Variants in FAM135B observed in about 807,000 individuals in gnomAD.
The protein encoded by FAM135B is protein FAM135B.
FAM135B carries 43 observed loss-of-function variants against 127.7 expected under a neutral mutation model. The ratio of observed to expected loss-of-function variants is 0.34; its 90% confidence interval spans 0.26 to 0.43. The LOEUF (loss-of-function observed/expected upper bound fraction) is 0.43, where lower values mean the gene tolerates loss of function less well. FAM135B is among the 20% of genes least tolerant of loss of function. FAM135B has a pLI of 1.00. For synonymous variants in FAM135B, 670 were observed against 665.1 expected (o/e 1.01, Z -0.11); for missense variants, 1,558 against 1,725.6 (o/e 0.90, Z 1.72).
At chr8:138,318,887 T>C (rs1190079375) in intron 2 of FAM135B, among the ~76,000 whole-genome samples, 1 of 152,202 alleles carries the variant, frequency 6.6e-6, no homozygotes, top group Non-Finnish European at 1.5e-5. Context: ...CTTTAGTAAT[T>C]TCCTTTTATC....
chr8:138,488,964 G>T (rs577311557), intron 1 of FAM135B, among the ~76,000 whole-genome samples: 13 of 152,118 alleles, frequency 8.5e-5, no homozygotes, highest in African/African-American at 3.1e-4. Flanking sequence ...CACGCCCGGC[G>T]TTTGTTTGAT....
rs192124840 is a variant in FAM135B at position 138,309,819 on chromosome 8, A to G, written c.157+1022T>C. Among the ~76,000 whole-genome samples, 4 of 149,416 alleles carry G rather than the reference A, an allele frequency of 2.7e-5. No individual in the cohort carries two copies. In the Admixed American group the frequency reaches 2.7e-4, roughly 10 times the overall value. On this transcript the variant is annotated intron_variant, in intron 3 of 19. Transcript: ENST00000395297. ...TGCACAGCTCTGTCTGTTTACTTTA[A>G]TGCTCCCTACCCTCTACCCTACTCT...
At chr8:138,214,727 G>A (rs1190280582) in intron 7 of FAM135B, among the ~76,000 whole-genome samples, 1 of 152,010 alleles carries the variant, frequency 6.6e-6, no homozygotes, top group Admixed American at 6.6e-5. Context: ...AAATTGATAC[G>A]ATTCTAGCAG....
chr8:138,217,294 A>G (rs1258169108), intron 7 of FAM135B, among the ~76,000 whole-genome samples: 2 of 152,232 alleles, frequency 1.3e-5, no homozygotes, highest in Non-Finnish European at 2.9e-5. Context: ...ACAAAATGGT[A>G]TAACTGAAAA....
intron 12 of FAM135B, among the ~76,000 whole-genome samples, chr8:138,159,270 C>T (rs1338045926): frequency 2.6e-4 from 6 of 23,008 alleles, no homozygotes; most frequent in Admixed American, 4.8e-4. Context: ...CAGAGCGAGA[C>T]TCCGTCTCAA....
chr8:138,456,095 T>G (rs1183872052), intron 1 of FAM135B, among the ~76,000 whole-genome samples: 2 of 152,136 alleles, frequency 1.3e-5, no homozygotes, highest in East Asian at 3.8e-4. Flanking sequence ...AAAGACTGAG[T>G]GAACAAGTCA....
chr8:138,475,996 A>G (rs1039272578), intron 1 of FAM135B, among the ~76,000 whole-genome samples: 10 of 152,316 alleles, frequency 6.6e-5, no homozygotes, highest in African/African-American at 1.9e-4. Context: ...TAAATAAACT[A>G]TGGTACGTCT....
intron 8 of FAM135B, among the ~76,000 whole-genome samples, chr8:138,196,754 C>T (rs1816663313): frequency 6.6e-6 from 1 of 152,170 alleles, no homozygotes; most frequent in African/African-American, 2.4e-5. Flanking sequence ...TATTAGAGAA[C>T]TTTGAGCAGA....
At chr8:138,281,128 A>G (rs887604202) in intron 3 of FAM135B, among the ~76,000 whole-genome samples, 1 of 152,178 alleles carries the variant, frequency 6.6e-6, no homozygotes, top group Non-Finnish European at 1.5e-5. Context: ...GCTGTAAAAT[A>G]GGCAGATTGC....
chr8:138,386,847 T>A (rs1832248400), intron 1 of FAM135B, among the ~76,000 whole-genome samples: 1 of 151,958 alleles, frequency 6.6e-6, no homozygotes, highest in Non-Finnish European at 1.5e-5. Context: ...CCAAACTGGG[T>A]GTTAGGGAGA....
At position 138,265,690 on chromosome 8, in the gene FAM135B, A is replaced by G. The variant is rs751890961; in HGVS notation, c.297+13T>C. 6.2e-7 allele frequency: 1 copy of G among 1,613,948 alleles called. No individual in the cohort carries two copies. Among genetic ancestry groups the G allele is most frequent in the Non-Finnish European group, 8.5e-7 (1 of 1,179,902 alleles). ...AACAGCTACTTGTGGCTGGTGGTAG[A>G]TTCATGACTTACCCTTTCACCACCC... is the stretch of plus-strand genomic sequence containing the variant. On this transcript the variant is annotated intron_variant, in intron 4 of 19. Transcript: ENST00000395297.
intron 1 of FAM135B, among the ~76,000 whole-genome samples, chr8:138,408,751 T>A (rs1174663995): frequency 6.6e-6 from 1 of 151,942 alleles, no homozygotes; most frequent in East Asian, 1.9e-4. Flanking sequence ...TCGGATCTCA[T>A]AAGGACTCCC....
intron 2 of FAM135B, among the ~76,000 whole-genome samples, chr8:138,354,747 T>C (rs1031529806): frequency 6.6e-6 from 1 of 152,068 alleles, no homozygotes; most frequent in African/African-American, 2.4e-5. Flanking sequence ...CGAAGGAAAA[T>C]GACCCTGAGG....
At position 138,286,639 on chromosome 8, in the gene FAM135B, AG is replaced by A. The variant is rs1315728639; in HGVS notation, c.158-20798del. Among the ~76,000 whole-genome samples, 3 of 152,240 alleles carry A rather than the reference AG, an allele frequency of 2.0e-5. No homozygotes were observed. In the East Asian group the frequency reaches 5.8e-4, roughly 29 times the overall value. On this transcript the variant is annotated intron_variant, in intron 3 of 19. Transcript: ENST00000395297. Reference sequence around the variant, plus strand: ...ATTTAGAATTTGTTGAGGCAAAGGAAGCATTGCTCATGGACTAGAGGTGAGA... The same window carrying A: ...ATTTAGAATTTGTTGAGGCAAAGGAACATTGCTCATGGACTAGAGGTGAGA...
At chr8:138,409,761 G>C (rs1215885068) in intron 1 of FAM135B, among the ~76,000 whole-genome samples, 1 of 151,552 alleles carries the variant, frequency 6.6e-6, no homozygotes, top group African/African-American at 2.4e-5. Flanking sequence ...TGTAGTCCCA[G>C]CTACTTGGGA....
chr8:138,152,812 C>G lies in FAM135B; in HGVS notation c.1663G>C (p.Asp555His), dbSNP rs753851478. Residue 555 changes from aspartate to histidine, a missense_variant, in exon 13 of 20, where the codon GAC becomes CAC. Transcript: ENST00000395297. The part of the protein sequence containing the change: ...DGQAPVLTYI[D>H]VKSSNKNPSR... Reference sequence around the variant, plus strand: ...GGGTTCTTATTGCTAGATTTTACGTCAATGTAGGTCAGCACTGGGGCCTGT... The same window carrying G: ...GGGTTCTTATTGCTAGATTTTACGTGAATGTAGGTCAGCACTGGGGCCTGT... 3.1e-6 allele frequency: 5 copies of G among 1,614,170 alleles called. No individual in the cohort carries two copies. The South Asian group carries it at 5.5e-5, about 18-fold the overall frequency.
At chr8:138,252,978 T>C (rs13252769) in intron 5 of FAM135B, among the ~76,000 whole-genome samples, 44,172 of 151,994 alleles carry the variant, frequency 0.29, 8,105 homozygotes, top group African/African-American at 0.53. Context: ...TTTTGTATTT[T>C]TCAGTAGAGA....
intron 3 of FAM135B, among the ~76,000 whole-genome samples, chr8:138,271,571 G>A (rs1047159935): frequency 3.3e-5 from 5 of 152,102 alleles, no homozygotes; most frequent in Non-Finnish European, 7.3e-5. Context: ...GTGGAATAGC[G>A]AATGAATATT....
At chr8:138,221,575 G>A (rs1202478414) in intron 7 of FAM135B, among the ~76,000 whole-genome samples, 2 of 152,168 alleles carry the variant, frequency 1.3e-5, no homozygotes, top group African/African-American at 4.8e-5. Flanking sequence ...ACAGAGTACT[G>A]AATAGGAGAG....
Sources: allele counts gnomAD v4.1 joint callset (sites outside exome capture counted in the v4.1 genomes callset), GRCh38; gene constraint gnomAD v4.1.1; transcripts MANE v1.5; gene names NCBI Gene and HGNC (gene_info 2026-07-23, HGNC 2026-07-21).